CALCOCO1: variants seen among roughly 807,000 people sequenced by gnomAD.
CALCOCO1 encodes the protein calcium-binding and coiled-coil domain-containing protein 1.
CALCOCO1 carries 44 observed loss-of-function variants against 86.3 expected under a neutral mutation model. The ratio of observed to expected loss-of-function variants is 0.51; its 90% CI spans 0.40 to 0.66. CALCOCO1 has a LOEUF of 0.66. CALCOCO1 is among the 30% of genes least tolerant of loss of function. The pLI is 0.00. For missense variants in CALCOCO1, 708 were observed against 851.1 expected (o/e 0.83, Z 2.09); for synonymous variants, 297 against 327.6 (o/e 0.91, Z 1.01).
intron 7 of CALCOCO1, 77 bp from the exon 8 acceptor site, chr12:53,716,492 A>G (rs900572972): frequency 1.2e-5 from 18 of 1,486,328 alleles, no homozygotes; most frequent in Middle Eastern, 1.8e-4. Context: ...TTGTGATGAG[A>G]GAGGTCAAGG....
At chr12:53,716,143 C>T (rs2277370) in intron 8 of CALCOCO1, 96 bp from the exon 9 acceptor site, 238,630 of 1,579,508 alleles carry the variant, frequency 0.15, 19,833 homozygotes, top group East Asian at 0.33. Context: ...CATTAGGACT[C>T]GGGGTTGTGT....
intron 6 of CALCOCO1, among the ~76,000 whole-genome samples, chr12:53,720,956 A>G (rs900430122): frequency 6.6e-6 from 1 of 152,266 alleles, no homozygotes; most frequent in Non-Finnish European, 1.5e-5. Context: ...CAAATGTTAA[A>G]GAGGCTGCCT....
chr12:53,711,895 A>T lies in CALCOCO1; in HGVS notation c.*49T>A, dbSNP rs1565639162. The T allele has an allele frequency of 2.1e-6, 3 of 1,424,614 alleles. No individual in the cohort carries two copies. The highest frequency in any genetic ancestry group is 9.4e-7 in the Non-Finnish European group (1 of 1,061,662). The allele number at this position is 1,424,614 out of a possible 1,614,324, so 88.2% of individuals were successfully genotyped here. The stretch of plus-strand genomic sequence containing the variant: ...AAACCTAAGTGTATGCATGTGTGTG[A>T]GTGTGTGTGTGCATGAGTGTGTATT... On this transcript the variant is annotated 3_prime_UTR_variant, in exon 15 of 15. Coordinates refer to ENST00000550804, the MANE Select transcript of CALCOCO1 (RefSeq NM_020898.3).
intron 7 of CALCOCO1, among the ~76,000 whole-genome samples, chr12:53,719,365 A>C (rs113687324): frequency 0.13 from 19,425 of 151,822 alleles, 1,341 homozygotes; most frequent in Non-Finnish European, 0.16. Flanking sequence ...GTCTCTACTA[A>C]AAATACAAAA....
In CALCOCO1 at chr12:53,716,248, G is replaced by A. The variant is rs1234579940; in HGVS notation, c.1005+12C>T. ...AATTTCCCGTTTCCTGTTGCCAAGG[G>A]GCCTCACTCACCACCCGCTGCTGGG... On this transcript the variant is annotated intron_variant, in intron 8 of 14. Transcript: ENST00000550804. 1 of 1,613,236 alleles carries A rather than the reference G, an allele frequency of 6.2e-7. No homozygotes were observed. The highest frequency in any genetic ancestry group is 8.5e-7 in the Non-Finnish European group (1 of 1,179,708).
intron 1 of CALCOCO1, chr12:53,726,361 G>A (rs1426629853): frequency 6.6e-6 from 1 of 152,214 alleles, no homozygotes; most frequent in African/African-American, 2.4e-5. Context: ...AGAGGAAGGG[G>A]TGTTCCAAGT....
Position 53,715,845 on chromosome 12 carries a change from T to A in CALCOCO1, c.1208A>T (p.Glu403Val), listed in dbSNP as rs1360711551. 1 of 1,614,096 alleles carries A rather than the reference T, an allele frequency of 6.2e-7. No homozygotes were observed. Residue 403 changes from glutamate to valine, a missense_variant, in exon 9 of 15, where the codon GAA (glutamate) becomes GTA (valine). Coordinates refer to ENST00000550804, the MANE Select transcript of CALCOCO1 (RefSeq NM_020898.3). ...CTCCTTGCTCCATTGGCATTTTTCTTCCTTCAAGTGCAAACCGAGCTCAGC... is the reference window on the plus strand; with the variant it reads ...CTCCTTGCTCCATTGGCATTTTTCTACCTTCAAGTGCAAACCGAGCTCAGC... ...RLAELGLHLK[E>V]EKCQWSKERA...
chr12:53,718,690 G>A (rs1280838829), intron 7 of CALCOCO1, among the ~76,000 whole-genome samples: 1 of 152,036 alleles, frequency 6.6e-6, no homozygotes, highest in Non-Finnish European at 1.5e-5. Context: ...CACCATGCCT[G>A]GCTAATTTTT....
At position 53,723,683 on chromosome 12, in the gene CALCOCO1, C is replaced by A; in HGVS notation, c.360G>T (p.Glu120Asp). 6.2e-7 allele frequency: 1 copy of A among 1,614,212 alleles called. No homozygotes were observed. Among genetic ancestry groups the A allele is most frequent in the Non-Finnish European group, 8.5e-7 (1 of 1,180,040 alleles). Residue 120 changes from glutamate to aspartate, a missense_variant, in exon 4 of 15, where the codon GAG becomes GAT. Physicochemically the swap from Glu to Asp is conservative, Grantham distance 45 (BLOSUM62 2). Transcript: ENST00000550804. ...TCACCAGTTCATCCATGGGCCTTGG[C>A]TCTCGGAACTGGAAAGGGGGGCTCT... ...CGQSPPFQFR[E>D]PRPMDELVTL...
intron 4 of CALCOCO1, chr12:53,722,824 T>C: frequency 2.5e-6 from 1 of 396,930 alleles, no homozygotes; most frequent in South Asian, 1.8e-5. Flanking sequence ...TTAGTCTGAA[T>C]TGTTGTAAGG....
At chr12:53,726,259 A>G (rs1253583051) in intron 1 of CALCOCO1, 2 of 152,176 alleles carry the variant, frequency 1.3e-5, no homozygotes, top group African/African-American at 4.8e-5. Context: ...TCACTTTAGT[A>G]TTTCTCTCCT....
rs770079686 is a variant in CALCOCO1 at position 53,721,593 on chromosome 12, T to A, written c.632A>T (p.Glu211Val). 1 of 1,613,762 alleles carries A rather than the reference T, an allele frequency of 6.2e-7. No homozygotes were observed. Among genetic ancestry groups the A allele is most frequent in the African/African-American group, 1.3e-5 (1 of 74,872 alleles). Reference protein sequence around the residue: ...QYKGISRSHGEITEERDILSR... With the variant: ...QYKGISRSHGVITEERDILSR... ...CAGGATGTCCCTCTCTTCTGTGATC[T>A]CCCCATGGGACCGGGAAATCCCCTG... The change falls in exon 6 of 15, where the codon GAG becomes GTG. Residue 211 changes from glutamate to valine, a missense_variant. Physicochemically the swap from Glu to Val is moderately radical, Grantham distance 121. Transcript: ENST00000550804.
intron 14 of CALCOCO1, chr12:53,712,827 G>A (rs916962761): frequency 2.5e-5 from 36 of 1,424,218 alleles, no homozygotes; most frequent in Non-Finnish European, 3.4e-5. Context: ...AGGGCAATTT[G>A]GGCTCTGCAG....
chr12:53,715,411 T>C, intron 9 of CALCOCO1, 86 bp from the exon 10 acceptor site: 1 of 1,523,746 alleles, frequency 6.6e-7, no homozygotes, highest in Non-Finnish European at 8.9e-7. Context: ...CCTTACTGTG[T>C]CCTTTCCTTT....
rs1030949327 is a variant in CALCOCO1 at position 53,727,178 on chromosome 12, G to A, written c.-25+226C>T. Among the ~76,000 whole-genome samples the A allele has an allele frequency of 3.1e-4, 47 of 152,150 alleles. 1 individual carries two copies. Among genetic ancestry groups the A allele is most frequent in the Admixed American group, 2.9e-3 (45 of 15,280 alleles). ...CAGCTTTATAGAGACGCATTGAGAA[G>A]AAGGAGAGGACGACGAGGGGGCGCC... On this transcript the variant is annotated intron_variant, in intron 1 of 14. Coordinates refer to ENST00000550804, the MANE Select transcript of CALCOCO1 (RefSeq NM_020898.3).
At chr12:53,718,400 A>G (rs1945784090) in intron 7 of CALCOCO1, among the ~76,000 whole-genome samples, 1 of 152,206 alleles carries the variant, frequency 6.6e-6, no homozygotes, top group Non-Finnish European at 1.5e-5. Flanking sequence ...AATTTATAAA[A>G]ATAAATTTAT....
chr12:53,717,918 A>G (rs1468633867), intron 7 of CALCOCO1, among the ~76,000 whole-genome samples: 2 of 152,140 alleles, frequency 1.3e-5, no homozygotes, highest in East Asian at 3.9e-4. Context: ...CCAGCTACTC[A>G]GGAGGCTGAG....
At chr12:53,717,612 AG>A (rs2120592284) in intron 7 of CALCOCO1, among the ~76,000 whole-genome samples, 1 of 152,340 alleles carries the variant, frequency 6.6e-6, no homozygotes, top group Non-Finnish European at 1.5e-5. Context: ...TGCTGAGCAA[AG>A]GGTTTTTTAA....
At chr12:53,717,331 T>G (rs1186914600) in intron 7 of CALCOCO1, among the ~76,000 whole-genome samples, 1 of 152,216 alleles carries the variant, frequency 6.6e-6, no homozygotes, top group East Asian at 1.9e-4. Context: ...CCTCCCAAAA[T>G]GTTGGGATTA....
Sources: allele counts gnomAD v4.1 joint callset (sites outside exome capture counted in the v4.1 genomes callset), GRCh38; gene constraint gnomAD v4.1.1; transcripts MANE v1.5; gene names NCBI Gene and HGNC (gene_info 2026-07-23, HGNC 2026-07-21).